The following ZCCHC7 variants were observed in gnomAD, a reference collection of about 807,000 sequenced individuals.
The protein encoded by ZCCHC7 is zinc finger CCHC-type containing 7.
A neutral mutation model predicts 52.0 loss-of-function variants in ZCCHC7; 35 were observed. The observed-to-expected ratio is 0.67, with a 90% confidence interval of 0.51 to 0.89. The LOEUF is 0.89. Among genes scored for constraint, ZCCHC7 ranks in the 40% least tolerant of loss-of-function variants. The pLI, the probability that ZCCHC7 is intolerant of heterozygous loss-of-function variation, is 0.00. For missense variants in ZCCHC7, 574 were observed against 649.1 expected (o/e 0.88, Z 1.26); for synonymous variants, 217 against 221.5 (o/e 0.98, Z 0.18).
chr9:37,342,074 A>G (rs1254492439), intron 6 of ZCCHC7, among the ~76,000 whole-genome samples: 2 of 152,176 alleles, frequency 1.3e-5, no homozygotes, highest in Non-Finnish European at 2.9e-5. Flanking sequence ...TGTAGAGGGC[A>G]GGGATAGAAG....
At chr9:37,191,778 A>G (rs1226530863) in intron 2 of ZCCHC7, among the ~76,000 whole-genome samples, 1 of 152,262 alleles carries the variant, frequency 6.6e-6, no homozygotes. Flanking sequence ...GCCCAAAGGA[A>G]GAAAACCATT....
At chr9:37,153,442 A>G (rs543153913) in intron 2 of ZCCHC7, among the ~76,000 whole-genome samples, 2 of 152,086 alleles carry the variant, frequency 1.3e-5, no homozygotes, top group East Asian at 3.9e-4. Context: ...AAGTGCTGGG[A>G]TTACAGGTGT....
intron 2 of ZCCHC7, among the ~76,000 whole-genome samples, chr9:37,228,100 A>C (rs746212057): frequency 1.3e-5 from 2 of 152,134 alleles, no homozygotes; most frequent in Non-Finnish European, 2.9e-5. Context: ...CCCGGCCTCT[A>C]ATTCTTTATA....
intron 2 of ZCCHC7, among the ~76,000 whole-genome samples, chr9:37,294,521 T>C (rs959139409): frequency 6.6e-6 from 1 of 152,172 alleles, no homozygotes; most frequent in African/African-American, 2.4e-5. Context: ...AATGGCAGGG[T>C]TGTTTTTTGA....
chr9:37,304,723 T>C (rs890726483), intron 4 of ZCCHC7, among the ~76,000 whole-genome samples: 2 of 152,122 alleles, frequency 1.3e-5, no homozygotes, highest in African/African-American at 4.8e-5. Flanking sequence ...TTATAGTATG[T>C]GTGTTAAATT....
intron 2 of ZCCHC7, among the ~76,000 whole-genome samples, chr9:37,203,662 A>G (rs1294957555): frequency 6.6e-6 from 1 of 152,188 alleles, no homozygotes; most frequent in Non-Finnish European, 1.5e-5. Flanking sequence ...GCTGCATAGT[A>G]TTCCATGGTG....
Position 37,169,030 on chromosome 9 carries a change from C to A in ZCCHC7, c.610+42088C>A, listed in dbSNP as rs117033506. Among the ~76,000 whole-genome samples the A allele has an allele frequency of 6.0e-3, 915 of 152,290 alleles. 5 individuals carry two copies. Among genetic ancestry groups the A allele is most frequent in the Middle Eastern group, 0.01 (3 of 294 alleles). Reference sequence around the variant, plus strand: ...ATTCTCTGCCGTTTGTGTAGCAATTCTTTGAACTGTTGAAAGATCTCCTGA... The same window carrying A: ...ATTCTCTGCCGTTTGTGTAGCAATTATTTGAACTGTTGAAAGATCTCCTGA... On this transcript the variant is annotated intron_variant, in intron 2 of 8. Transcript: ENST00000336755.
At position 37,126,845 on chromosome 9, in the gene ZCCHC7, T is replaced by C; in HGVS notation, c.513T>C (p.Asp171=). The C allele has an allele frequency of 6.2e-7, 1 of 1,614,118 alleles. No individual in the cohort carries two copies. The highest frequency in any genetic ancestry group is 2.2e-5 in the East Asian group (1 of 44,866). Residue 171 remains aspartate (D), a synonymous_variant, in exon 2 of 9, where the codon GAT becomes GAC. Transcript: ENST00000336755. ...AAGAGAGCACCATTTCAGAAGGTGA[T>C]AATGTGGAAAGCTGGATGCTACTGG... is the stretch of plus-strand genomic sequence containing the variant. The part of the protein sequence containing the change: ...EEEESTISEG[D]NVESWMLLGC...
intron 2 of ZCCHC7, among the ~76,000 whole-genome samples, chr9:37,178,145 G>A (rs954422587): frequency 6.6e-6 from 1 of 151,988 alleles, no homozygotes; most frequent in African/African-American, 2.4e-5. Flanking sequence ...GCCAGTAATG[G>A]TGCCTTGGTA....
intron 2 of ZCCHC7, among the ~76,000 whole-genome samples, chr9:37,237,793 G>T (rs1317058535): frequency 6.6e-6 from 1 of 152,164 alleles, no homozygotes; most frequent in African/African-American, 2.4e-5. Flanking sequence ...GGGACAGATG[G>T]TATTAAGAGC....
chr9:37,132,842 T>TA (rs962081898), intron 2 of ZCCHC7, among the ~76,000 whole-genome samples: 9 of 151,566 alleles, frequency 5.9e-5, no homozygotes, highest in Admixed American at 2.0e-4. Context: ...GCCGATGAGC[T>TA]AAAAAAAAAT....
Position 37,356,888 on chromosome 9 carries a change from G to C in ZCCHC7, c.1252G>C (p.Ala418Pro). Residue 418 changes from alanine (A) to proline (P), a missense_variant, in exon 9 of 9, where the codon GCA becomes CCA. Physicochemically the swap from Ala to Pro is conservative, Grantham distance 27. Transcript: ENST00000336755. Reference sequence around the variant, plus strand: ...GCCATCCAAGCTACCTTATATAAAAGCAGCAAATGAGAACCCCCACCATGA... The same window carrying C: ...GCCATCCAAGCTACCTTATATAAAACCAGCAAATGAGAACCCCCACCATGA... ...PEPSKLPYIK[A>P]ANENPHHDIR... The C allele has an allele frequency of 6.2e-7, 1 of 1,611,728 alleles. No individual in the cohort carries two copies. Among genetic ancestry groups the C allele is most frequent in the Non-Finnish European group, 8.5e-7 (1 of 1,179,518 alleles).
intron 2 of ZCCHC7, among the ~76,000 whole-genome samples, chr9:37,259,327 A>G (rs929895765): frequency 1.1e-4 from 16 of 152,158 alleles, no homozygotes; most frequent in African/African-American, 3.9e-4. Context: ...ATAGTAAATA[A>G]ATAATACCTT....
rs532207150 is a variant in ZCCHC7 at position 37,142,974 on chromosome 9, G to A, written c.610+16032G>A. Among the ~76,000 whole-genome samples the A allele has an allele frequency of 3.3e-5, 5 of 151,724 alleles. No individual in the cohort carries two copies. The East Asian group carries it at 9.6e-4, about 29-fold the overall frequency. ...ATGTTATTAATTCTTAAAGCTCAGT[G>A]CCTGGGTTTTATTGTGTGTGGCCTT... On this transcript the variant is annotated intron_variant, in intron 2 of 8. Transcript: ENST00000336755.
rs189498802 is a variant in ZCCHC7, at chr9:37,269,454, C to T, written c.611-32734C>T. On this transcript the variant is annotated intron_variant, in intron 2 of 8. Transcript: ENST00000336755. Reference sequence around the variant, plus strand: ...GCAACGTAGTGAGATCTCATCTCTACTAAAAATTTTAAAAATTAACTGAGT... The same window carrying T: ...GCAACGTAGTGAGATCTCATCTCTATTAAAAATTTTAAAAATTAACTGAGT... Among the ~76,000 whole-genome samples, 161 of 150,978 alleles carry T rather than the reference C, an allele frequency of 1.1e-3. 1 individual carries two copies. Among genetic ancestry groups the T allele is most frequent in the Admixed American group, 2.8e-3 (42 of 15,180 alleles).
chr9:37,241,247 G>A (rs75684876), intron 2 of ZCCHC7, among the ~76,000 whole-genome samples: 7,697 of 151,756 alleles, frequency 0.051, 631 homozygotes, highest in African/African-American at 0.17. Context: ...TGAGTATTTG[G>A]TGTGGTATTG....
intron 2 of ZCCHC7, among the ~76,000 whole-genome samples, chr9:37,189,654 CTGGGATTA>C (rs1473482393): frequency 6.6e-6 from 1 of 152,132 alleles, no homozygotes; most frequent in African/African-American, 2.4e-5. Context: ...TCCCAAAGTG[CTGGGATTA>C]CAGGCATGAG....
At chr9:37,240,859 CA>C (rs1242645642) in intron 2 of ZCCHC7, among the ~76,000 whole-genome samples, 1 of 151,750 alleles carries the variant, frequency 6.6e-6, no homozygotes, top group Non-Finnish European at 1.5e-5. Context: ...CGATTAAAAA[CA>C]TTTAATATGC....
At chr9:37,290,437 C>T (rs928307928) in intron 2 of ZCCHC7, among the ~76,000 whole-genome samples, 1 of 152,164 alleles carries the variant, frequency 6.6e-6, no homozygotes, top group Non-Finnish European at 1.5e-5. Context: ...GGGTGAATCA[C>T]TTAAGCCCAG....
Sources: gnomAD v4.1 joint callset for allele counts (sites outside exome capture counted in the v4.1 genomes callset) on GRCh38, gnomAD v4.1.1 for gene constraint, MANE v1.5 for transcripts, NCBI Gene and HGNC (gene_info 2026-07-23, HGNC 2026-07-21) for gene names.